The following JAKMIP2 variants were observed in gnomAD, a reference collection of about 807,000 sequenced individuals.
JAKMIP2 encodes janus kinase and microtubule-interacting protein 2.
JAKMIP2 carries 25 observed loss-of-function variants against 115.0 expected under a neutral mutation model. That is an observed-to-expected ratio of 0.22 (90% CI 0.16 to 0.30). The LOEUF is 0.30. Ranked by LOEUF, JAKMIP2 falls within the 10% of genes least tolerant of loss-of-function variation. The pLI is 1.00. For synonymous variants in JAKMIP2, 334 were observed against 343.6 expected (o/e 0.97, Z 0.31); for missense variants, 642 against 957.6 (o/e 0.67, Z 4.35).
Position 147,628,314 on chromosome 5 carries a change from T to C in JAKMIP2, c.1995+437A>G, listed in dbSNP as rs373863498. Reference sequence around the variant, plus strand: ...TCCTGACAGTCTCTATGTCGGACTTTCTGAATGAGAAGGCAATGAGCCCCT... The same window carrying C: ...TCCTGACAGTCTCTATGTCGGACTTCCTGAATGAGAAGGCAATGAGCCCCT... On this transcript the variant is annotated intron_variant, in intron 16 of 21. Transcript: ENST00000616793. 7.9e-5 allele frequency among the ~76,000 whole-genome samples: 12 copies of C among 152,234 alleles called. No homozygotes were observed. The East Asian group carries it at 1.9e-3, about 25-fold the overall frequency.
intron 16 of JAKMIP2, among the ~76,000 whole-genome samples, chr5:147,626,026 T>C (rs1291317827): frequency 1.3e-5 from 2 of 152,182 alleles, no homozygotes; most frequent in Non-Finnish European, 2.9e-5. Flanking sequence ...GGTTTGCTTG[T>C]TGGAATTTTG....
At chr5:147,687,276 T>G (rs1235427170) in intron 1 of JAKMIP2, among the ~76,000 whole-genome samples, 2 of 152,238 alleles carry the variant, frequency 1.3e-5, no homozygotes, top group African/African-American at 2.4e-5. Flanking sequence ...AAAAGTCATC[T>G]TCCAGCCTTG....
chr5:147,633,598 G>A, intron 12 of JAKMIP2, among the ~76,000 whole-genome samples: 1 of 152,036 alleles, frequency 6.6e-6, no homozygotes, highest in East Asian at 1.9e-4. Context: ...TTTCTTATAG[G>A]ACCTCTAGTA....
At chr5:147,601,951 A>C in intron 20 of JAKMIP2, 140 bp from the exon 21 acceptor site, 1 of 475,144 alleles carries the variant, frequency 2.1e-6, no homozygotes, top group East Asian at 3.4e-5. Context: ...GTTTAAAAAA[A>C]TCCACACCTT....
chr5:147,775,272 G>C (rs1295504179), intron 1 of JAKMIP2, among the ~76,000 whole-genome samples: 2 of 152,200 alleles, frequency 1.3e-5, no homozygotes, highest in African/African-American at 4.8e-5. Flanking sequence ...TTTATCTTTG[G>C]AGTGAGATGC....
chr5:147,699,198 C>T (rs766914815), intron 1 of JAKMIP2, among the ~76,000 whole-genome samples: 21 of 152,122 alleles, frequency 1.4e-4, no homozygotes, highest in Admixed American at 1.3e-4. Flanking sequence ...AAGAAAATAA[C>T]GGCAGTTAAA....
intron 5 of JAKMIP2, 131 bp from the exon 6 acceptor site, chr5:147,645,127 C>A: frequency 1.3e-6 from 1 of 752,856 alleles, no homozygotes; most frequent in Non-Finnish European, 2.2e-6. Flanking sequence ...GAGGACTGAC[C>A]ACTGACATTT....
chr5:147,771,526 C>T (rs74448351), intron 1 of JAKMIP2, among the ~76,000 whole-genome samples: 1,848 of 152,072 alleles, frequency 0.012, 62 homozygotes, highest in East Asian at 0.11. Context: ...TCAATAGTTC[C>T]TATTTGCTAA....
At chr5:147,773,378 A>G (rs1755437560) in intron 1 of JAKMIP2, among the ~76,000 whole-genome samples, 1 of 152,154 alleles carries the variant, frequency 6.6e-6, no homozygotes, top group African/African-American at 2.4e-5. Flanking sequence ...TGCTTAGATT[A>G]CAGTTGACTA....
intron 3 of JAKMIP2, among the ~76,000 whole-genome samples, chr5:147,659,540 T>C (rs1330477425): frequency 6.6e-6 from 1 of 152,202 alleles, no homozygotes; most frequent in African/African-American, 2.4e-5. Flanking sequence ...ACTTCAGCAA[T>C]ATGCCGGTGA....
In JAKMIP2 at chr5:147,702,563, A is replaced by AGAAAGAAAGAAG. The variant is rs1561547140; in HGVS notation, c.-148-30610_-148-30609insCTTCTTTCTTTC. Among the ~76,000 whole-genome samples, 175 of 119,214 alleles carry AGAAAGAAAGAAG rather than the reference A, an allele frequency of 1.5e-3. 8 individuals carry two copies. Among genetic ancestry groups the AGAAAGAAAGAAG allele is most frequent in the African/African-American group, 5.3e-3 (161 of 30,560 alleles). The allele number at this position is 119,214 out of a possible 152,430, so 78.2% of individuals were successfully genotyped here. ...AGAGAGACAAAGAAAGAAGAAAGAA[A>AGAAAGAAAGAAG]GAAAGAAAGAAAGAAGGAAAGAAAG... On this transcript the variant is annotated intron_variant, in intron 1 of 21. Coordinates refer to ENST00000616793, the MANE Select transcript of JAKMIP2 (RefSeq NM_001270941.2).
intron 3 of JAKMIP2, among the ~76,000 whole-genome samples, chr5:147,658,792 G>T (rs1303522599): frequency 6.6e-6 from 1 of 152,036 alleles, no homozygotes; most frequent in Non-Finnish European, 1.5e-5. Flanking sequence ...GGTGAATTCG[G>T]CCCAGTCCAA....
intron 16 of JAKMIP2, among the ~76,000 whole-genome samples, chr5:147,625,365 G>A (rs776300429): frequency 7.2e-5 from 11 of 152,098 alleles, no homozygotes; most frequent in Admixed American, 2.6e-4. Flanking sequence ...ACTTACAAGG[G>A]GATACCATGT....
chr5:147,774,790 C>T (rs984791182), intron 1 of JAKMIP2, among the ~76,000 whole-genome samples: 1 of 152,020 alleles, frequency 6.6e-6, no homozygotes, highest in East Asian at 1.9e-4. Context: ...CTGGTTTTTA[C>T]TGTGGTTATA....
chr5:147,612,135 G>A (rs764187297), intron 20 of JAKMIP2, 171 bp downstream of exon 20: 8 of 737,478 alleles, frequency 1.1e-5, no homozygotes, highest in Non-Finnish European at 1.8e-5. Context: ...GATGGCAGAC[G>A]CTTTGCTGGC....
chr5:147,695,063 T>C (rs1338962049), intron 1 of JAKMIP2, among the ~76,000 whole-genome samples: 1 of 152,166 alleles, frequency 6.6e-6, no homozygotes, highest in East Asian at 1.9e-4. Flanking sequence ...CCCTTCATTC[T>C]CAAATTTCTG....
intron 1 of JAKMIP2, among the ~76,000 whole-genome samples, chr5:147,750,948 C>A (rs1160625170): frequency 6.6e-6 from 1 of 152,192 alleles, no homozygotes; most frequent in African/African-American, 2.4e-5. Flanking sequence ...GCTATTTAAG[C>A]CACCCAGTCT....
chr5:147,587,901 A>G lies in JAKMIP2; in HGVS notation c.*3806T>C, dbSNP rs994392735. The G allele has an allele frequency of 3.3e-5, 5 of 151,602 alleles. No homozygotes were observed. The highest frequency in any genetic ancestry group is 5.9e-5 in the Non-Finnish European group (4 of 67,928). The allele number at this position is 151,602 out of a possible 1,614,324, so 9.4% of individuals were successfully genotyped here. A position where few individuals can be genotyped will look rare whatever the true frequency, so the allele number is the denominator to read the frequency against. ...CTTCTATATCAGCTCTACCTTATGG[A>G]CTTGGGAAGACACATACAACCTGTA... On this transcript the variant is annotated 3_prime_UTR_variant, in exon 22 of 22. Transcript: ENST00000616793.
intron 11 of JAKMIP2, 193 bp from the exon 12 acceptor site, chr5:147,636,477 C>T: frequency 1.7e-6 from 1 of 601,232 alleles, no homozygotes; most frequent in Non-Finnish European, 3.0e-6. Context: ...ATTTAACCCC[C>T]TTTTCATCAT....
Sources: gnomAD v4.1 joint callset for allele counts (sites outside exome capture counted in the v4.1 genomes callset) on GRCh38, gnomAD v4.1.1 for gene constraint, MANE v1.5 for transcripts, NCBI Gene and HGNC (gene_info 2026-07-23, HGNC 2026-07-21) for gene names.